The following SETBP1 variants were observed in gnomAD, a reference collection of about 807,000 sequenced individuals.
The protein encoded by SETBP1 is SET binding protein 1.
Under a neutral mutation model 101.0 loss-of-function variants are expected in SETBP1, and 9 were observed. That is an observed-to-expected ratio of 0.09 (90% CI 0.05 to 0.16). The LOEUF is 0.16. Among genes scored for constraint, SETBP1 ranks in the 10% least tolerant of loss-of-function variants. The pLI, the probability that SETBP1 is intolerant of heterozygous loss-of-function variation, is 1.00. For missense variants in SETBP1, 1,858 were observed against 2,033.8 expected (o/e 0.91, Z 1.66); for synonymous variants, 818 against 788.5 (o/e 1.04, Z -0.63).
intron 4 of SETBP1, among the ~76,000 whole-genome samples, chr18:44,963,038 T>C (rs770513190): frequency 1.3e-5 from 2 of 152,204 alleles, no homozygotes; most frequent in Non-Finnish European, 2.9e-5. Flanking sequence ...AGGTGTTGCT[T>C]TTCCACTCGA....
chr18:45,028,659 C>G (rs1427054791), intron 4 of SETBP1, among the ~76,000 whole-genome samples: 1 of 152,194 alleles, frequency 6.6e-6, no homozygotes, highest in African/African-American at 2.4e-5. Context: ...TCTCCACATC[C>G]TCTCCAGCAC....
Position 44,854,731 on chromosome 18 carries a change from G to A in SETBP1, c.487-14499G>A, listed in dbSNP as rs531451687. On this transcript the variant is annotated intron_variant, in intron 2 of 5. Transcript: ENST00000649279. ...GGGGCTGTTAAGAAAACAGCCAGTGGGCACTTTTTTTCAGTGTATCTCAAA... is the reference window on the plus strand; with the variant it reads ...GGGGCTGTTAAGAAAACAGCCAGTGAGCACTTTTTTTCAGTGTATCTCAAA... Among the ~76,000 whole-genome samples the A allele has an allele frequency of 2.6e-5, 4 of 152,208 alleles. No individual in the cohort carries two copies. The East Asian group carries it at 7.7e-4, about 29-fold the overall frequency.
chr18:45,054,150 A>G (rs2073768627), intron 5 of SETBP1, among the ~76,000 whole-genome samples: 2 of 152,044 alleles, frequency 1.3e-5, no homozygotes. Context: ...CAATGCTGCC[A>G]TTCCCAATTC....
At chr18:44,744,396 C>A (rs1002430170) in intron 2 of SETBP1, among the ~76,000 whole-genome samples, 1 of 152,266 alleles carries the variant, frequency 6.6e-6, no homozygotes, top group Non-Finnish European at 1.5e-5. Context: ...CTGAGGGGCC[C>A]TGCCTGGGAA....
At chr18:44,971,182 A>ATG (rs1568000716) in intron 4 of SETBP1, among the ~76,000 whole-genome samples, 9 of 152,206 alleles carry the variant, frequency 5.9e-5, no homozygotes, top group Admixed American at 5.9e-4. Context: ...AGCTTCATCC[A>ATG]TGTCCCTACA....
chr18:44,797,367 C>T (rs1007525084), intron 2 of SETBP1, among the ~76,000 whole-genome samples: 2 of 152,172 alleles, frequency 1.3e-5, no homozygotes, highest in African/African-American at 4.8e-5. Flanking sequence ...TATGGCATAG[C>T]TTTCACTCTG....
intron 3 of SETBP1, among the ~76,000 whole-genome samples, chr18:44,916,157 A>G (rs1286745762): frequency 6.6e-6 from 1 of 152,126 alleles, no homozygotes; most frequent in East Asian, 1.9e-4. Context: ...ATCTGGCAGG[A>G]GGAGATTGCA....
rs537617777 is a variant in SETBP1, at chr18:45,011,720, T to C, written c.4001-26765T>C. On this transcript the variant is annotated intron_variant, in intron 4 of 5. Coordinates refer to ENST00000649279, the MANE Select transcript of SETBP1 (RefSeq NM_015559.3). Reference sequence around the variant, plus strand: ...CCTACTCCCCAGGCGTGGCTGCCCCTGCATGTGCATTGGCTCTTTGCACTG... The same window carrying C: ...CCTACTCCCCAGGCGTGGCTGCCCCCGCATGTGCATTGGCTCTTTGCACTG... 1.5e-3 allele frequency among the ~76,000 whole-genome samples: 221 copies of C among 152,336 alleles called. 1 individual carries two copies. The highest frequency in any genetic ancestry group is 5.2e-3 in the African/African-American group (216 of 41,570).
intron 5 of SETBP1, among the ~76,000 whole-genome samples, chr18:45,056,105 G>C (rs532402692): frequency 1.3e-5 from 2 of 152,206 alleles, no homozygotes; most frequent in South Asian, 4.2e-4. Context: ...TTGTCTTTTT[G>C]TACAAGAAAA....
At chr18:44,903,759 A>G (rs559282648) in intron 3 of SETBP1, among the ~76,000 whole-genome samples, 22 of 152,312 alleles carry the variant, frequency 1.4e-4, no homozygotes, top group African/African-American at 5.3e-4. Context: ...TTCACCACAA[A>G]CAGTCATCAG....
intron 4 of SETBP1, among the ~76,000 whole-genome samples, chr18:45,001,754 C>T (rs1306131587): frequency 6.6e-6 from 1 of 152,142 alleles, no homozygotes; most frequent in East Asian, 1.9e-4. Context: ...AGGTAACATA[C>T]CAAGATGCCA....
At chr18:44,708,412 C>T (rs1412117280) in intron 2 of SETBP1, among the ~76,000 whole-genome samples, 1 of 152,186 alleles carries the variant, frequency 6.6e-6, no homozygotes, top group Non-Finnish European at 1.5e-5. Context: ...TGAATTTCCC[C>T]TCTTGTTTCA....
intron 3 of SETBP1, among the ~76,000 whole-genome samples, chr18:44,895,632 T>C (rs1220226183): frequency 6.6e-6 from 1 of 152,084 alleles, no homozygotes; most frequent in Non-Finnish European, 1.5e-5. Context: ...CATTACCCCA[T>C]GCTGCCTCCC....
intron 3 of SETBP1, among the ~76,000 whole-genome samples, chr18:44,900,853 G>A (rs2070028344): frequency 6.6e-6 from 1 of 152,160 alleles, no homozygotes; most frequent in African/African-American, 2.4e-5. Flanking sequence ...AAGGAAATGG[G>A]TTGAGTAATT....
chr18:44,916,152 G>A (rs2070421196), intron 3 of SETBP1, among the ~76,000 whole-genome samples: 1 of 152,106 alleles, frequency 6.6e-6, no homozygotes, highest in Admixed American at 6.5e-5. Flanking sequence ...CTTGAATCTG[G>A]CAGGAGGAGA....
At chr18:44,766,692 G>GC (rs1001298045) in intron 2 of SETBP1, among the ~76,000 whole-genome samples, 1 of 152,134 alleles carries the variant, frequency 6.6e-6, no homozygotes, top group Non-Finnish European at 1.5e-5. Context: ...TTGAAAATGA[G>GC]CCATGGGTGG....
At chr18:44,885,190 G>A (rs1485809505) in intron 3 of SETBP1, among the ~76,000 whole-genome samples, 1 of 152,050 alleles carries the variant, frequency 6.6e-6, no homozygotes, top group East Asian at 1.9e-4. Context: ...TGCAACCTTA[G>A]CTCTCAGTTT....
At chr18:44,946,753 A>G (rs1374797216) in intron 3 of SETBP1, among the ~76,000 whole-genome samples, 1 of 152,220 alleles carries the variant, frequency 6.6e-6, no homozygotes, top group African/African-American at 2.4e-5. Flanking sequence ...CCTTAGGGAT[A>G]AGATGATAAG....
chr18:44,814,706 G>T (rs577021830), intron 2 of SETBP1, among the ~76,000 whole-genome samples: 1 of 152,190 alleles, frequency 6.6e-6, no homozygotes, highest in Non-Finnish European at 1.5e-5. Flanking sequence ...CAGGCTGGCC[G>T]CACTCTGAGC....
Sources: gnomAD v4.1 joint callset for allele counts (sites outside exome capture counted in the v4.1 genomes callset) on GRCh38, gnomAD v4.1.1 for gene constraint, MANE v1.5 for transcripts, NCBI Gene and HGNC (gene_info 2026-07-23, HGNC 2026-07-21) for gene names.